ASZ1: variants seen among roughly 807,000 people sequenced by gnomAD.
ASZ1 encodes ankyrin repeat, SAM and basic leucine zipper domain-containing protein 1.
ASZ1 carries 67 observed loss-of-function variants against 61.8 expected under a neutral mutation model. The ratio of observed to expected loss-of-function variants is 1.08; its 90% CI spans 0.89 to 1.33. ASZ1 has a LOEUF of 1.33. Ranked by LOEUF, ASZ1 falls within the 40% of genes most tolerant of loss-of-function variation. The pLI, the probability that ASZ1 is intolerant of heterozygous loss-of-function variation, is 0.00. For missense variants in ASZ1, 577 were observed against 554.5 expected (o/e 1.04, Z -0.41); for synonymous variants, 193 against 192.7 (o/e 1.00, Z -0.01).
In ASZ1 at chr7:117,368,785, C is replaced by G. The variant is rs917932606; in HGVS notation, c.1056-68G>C. Reference sequence around the variant, plus strand: ...GAGCAATTTATTTCATTCTACTAGGCAAGTTACTGAAAATCTAGTCATAAA... The same window carrying G: ...GAGCAATTTATTTCATTCTACTAGGGAAGTTACTGAAAATCTAGTCATAAA... On this transcript the variant is annotated intron_variant, in intron 10 of 12. Transcript: ENST00000284629. The G allele has an allele frequency of 3.8e-6, 6 of 1,588,954 alleles. No homozygotes were observed. In the Admixed American group the frequency reaches 5.6e-5, roughly 15 times the overall value.
At chr7:117,373,141 C>G (rs1188454623) in intron 10 of ASZ1, among the ~76,000 whole-genome samples, 1 of 152,050 alleles carries the variant, frequency 6.6e-6, no homozygotes, top group Non-Finnish European at 1.5e-5. Context: ...GACAAAGAGT[C>G]TAAACAGGAA....
intron 4 of ASZ1, among the ~76,000 whole-genome samples, chr7:117,400,303 CACTGAAAAAG>C (rs1796655833): frequency 6.6e-6 from 1 of 152,112 alleles, no homozygotes. Flanking sequence ...TCAAACCTCC[CACTGAAAAAG>C]ACTGTAAAAG....
chr7:117,386,208 G>T (rs1796353230), intron 4 of ASZ1, among the ~76,000 whole-genome samples: 2 of 152,078 alleles, frequency 1.3e-5, no homozygotes, highest in South Asian at 2.1e-4. Context: ...AATACTAAAT[G>T]CTTATTACAT....
At position 117,398,955 on chromosome 7, in the gene ASZ1, G is replaced by A. The variant is rs572265077; in HGVS notation, c.441-13146C>T. On this transcript the variant is annotated intron_variant, in intron 4 of 12. Coordinates refer to ENST00000284629, the MANE Select transcript of ASZ1 (RefSeq NM_130768.3). ...TTCAAAACTAAGTTTGAGGCTGGGC[G>A]CAGTGGCTCAAACCTGTAGTATCAG... Among the ~76,000 whole-genome samples, 12 of 152,290 alleles carry A rather than the reference G, an allele frequency of 7.9e-5. 1 individual carries two copies. The highest frequency in any genetic ancestry group is 3.3e-4 in the Admixed American group (5 of 15,296).
chr7:117,412,272 C>T (rs1417124467), intron 4 of ASZ1, among the ~76,000 whole-genome samples: 2 of 151,736 alleles, frequency 1.3e-5, no homozygotes, highest in African/African-American at 4.8e-5. Context: ...TGATTATTTA[C>T]AGGGTTAAAA....
intron 4 of ASZ1, among the ~76,000 whole-genome samples, chr7:117,397,215 TGAACCGAACC>T (rs200117755): frequency 1.3e-5 from 2 of 151,308 alleles, no homozygotes; most frequent in South Asian, 2.1e-4. Context: ...GTCTCCGAAC[TGAACCGAACC>T]GAACCGAACC....
Position 117,427,409 on chromosome 7 carries a change from T to C in ASZ1, c.52A>G (p.Ser18Gly), listed in dbSNP as rs777156914. ...GLPVAGGGES[S>G]ESEDDGWEIG... ...TCCCAGCCATCATCCTCGCTCTCGC[T>C]ACTCTCGCCTCCGCCAGCCACTGGC... Residue 18 changes from serine to glycine, a missense_variant, in exon 1 of 13, where the codon AGC (serine) becomes GGC (glycine). Coordinates refer to ENST00000284629, the MANE Select transcript of ASZ1 (RefSeq NM_130768.3). 1.9e-6 allele frequency: 3 copies of C among 1,613,988 alleles called. No individual in the cohort carries two copies. Among genetic ancestry groups the C allele is most frequent in the African/African-American group, 2.7e-5 (2 of 74,942 alleles).
At chr7:117,403,699 C>T (rs894193279) in intron 4 of ASZ1, among the ~76,000 whole-genome samples, 4 of 152,096 alleles carry the variant, frequency 2.6e-5, no homozygotes, top group African/African-American at 7.2e-5. Context: ...TCCTTGGAAC[C>T]GATAGGTGTT....
At chr7:117,409,957 A>G (rs1050711106) in intron 4 of ASZ1, among the ~76,000 whole-genome samples, 8 of 151,800 alleles carry the variant, frequency 5.3e-5, no homozygotes, top group African/African-American at 1.9e-4. Context: ...CAAAATTTTC[A>G]TTAATTCTTT....
rs143434974 is a variant in ASZ1 at position 117,363,736 on chromosome 7, G to T, written c.1288C>A (p.Arg430=). 3.8e-6 allele frequency: 6 copies of T among 1,569,194 alleles called. No individual in the cohort carries two copies. In the East Asian group the frequency reaches 1.4e-4, roughly 36 times the overall value. ...KDLIQKLQNE[R]ENDPTHIQLR... is the part of the protein sequence containing the mutation. ...TGTATATGAGTTGGATCATTTTCCC[G>T]TTCATTTTGCAACTAATATTTAGTA... The change falls in exon 13 of 13, where the codon CGG becomes AGG. Residue 430 remains arginine (R), a synonymous_variant. Coordinates refer to ENST00000284629, the MANE Select transcript of ASZ1 (RefSeq NM_130768.3).
intron 10 of ASZ1, 125 bp downstream of exon 10, chr7:117,379,813 A>G (rs1796215357): frequency 3.4e-6 from 2 of 588,956 alleles, no homozygotes; most frequent in African/African-American, 1.9e-5. Flanking sequence ...AGTATCTTCC[A>G]AAATCTATTA....
intron 4 of ASZ1, among the ~76,000 whole-genome samples, chr7:117,411,423 A>C (rs1338902948): frequency 6.6e-6 from 1 of 151,858 alleles, no homozygotes; most frequent in Non-Finnish European, 1.5e-5. Flanking sequence ...GAAAAATAAC[A>C]AAACTATAAC....
At chr7:117,427,120 C>G (rs1398036254) in intron 1 of ASZ1, among the ~76,000 whole-genome samples, 185 bp from the exon 2 acceptor site, 1 of 152,092 alleles carries the variant, frequency 6.6e-6, no homozygotes, top group Non-Finnish European at 1.5e-5. Flanking sequence ...ATGATGGATC[C>G]AAACCCAACT....
chr7:117,374,403 T>C (rs1277817343), intron 10 of ASZ1, among the ~76,000 whole-genome samples: 1 of 152,104 alleles, frequency 6.6e-6, no homozygotes, highest in Non-Finnish European at 1.5e-5. Flanking sequence ...ACATGGTTAA[T>C]ATATACACCA....
intron 4 of ASZ1, among the ~76,000 whole-genome samples, chr7:117,402,025 T>C (rs1042336775): frequency 6.6e-6 from 1 of 152,184 alleles, no homozygotes; most frequent in African/African-American, 2.4e-5. Flanking sequence ...GGAGGAGCAG[T>C]ATGTGCAGCC....
At chr7:117,421,298 G>A (rs1383167151) in intron 3 of ASZ1, among the ~76,000 whole-genome samples, 4 of 151,800 alleles carry the variant, frequency 2.6e-5, no homozygotes, top group South Asian at 2.1e-4. Flanking sequence ...CTGCAACCTC[G>A]AACTCCTGGG....
At chr7:117,412,039 A>AGTGT (rs57672347) in intron 4 of ASZ1, among the ~76,000 whole-genome samples, 7,167 of 128,204 alleles carry the variant, frequency 0.056, 429 homozygotes, top group African/African-American at 0.15. Context: ...AGTGAAAAGA[A>AGTGT]GTGTGTGTGT....
intron 4 of ASZ1, among the ~76,000 whole-genome samples, chr7:117,417,836 T>C (rs1343264444): frequency 6.6e-6 from 1 of 152,242 alleles, no homozygotes; most frequent in Non-Finnish European, 1.5e-5. Context: ...CTCTAATTAT[T>C]TTAGAGAGTT....
intron 10 of ASZ1, among the ~76,000 whole-genome samples, chr7:117,376,662 A>G (rs1796142649): frequency 6.6e-6 from 1 of 152,188 alleles, no homozygotes; most frequent in Non-Finnish European, 1.5e-5. Context: ...CAAAGTAACC[A>G]TATCAACAGG....
Sources: gnomAD v4.1 joint callset for allele counts (sites outside exome capture counted in the v4.1 genomes callset) on GRCh38, gnomAD v4.1.1 for gene constraint, MANE v1.5 for transcripts, NCBI Gene and HGNC (gene_info 2026-07-23, HGNC 2026-07-21) for gene names.